ZNF519: variants seen among roughly 807,000 people sequenced by gnomAD.
ZNF519 encodes the protein similar to Zinc finger protein 85 (Zinc finger protein HPF4) (HTF1).
A neutral mutation model predicts 7.4 loss-of-function variants in ZNF519; 7 were observed. That is an observed-to-expected ratio of 0.94 (90% CI 0.54 to 1.77). ZNF519 has a LOEUF of 1.77. Among genes scored for constraint, ZNF519 ranks in the 40% most tolerant of loss-of-function variants. The probability of loss-of-function intolerance (pLI) is 0.00; values close to 1 mark genes in which losing one functional copy is unlikely to be tolerated. For synonymous variants in ZNF519, 179 were observed against 203.3 expected, an observed-to-expected ratio of 0.88 and a Z score of 1.02; for missense variants, 586 against 623.1, an observed-to-expected ratio of 0.94 and a Z score of 0.63.
At chr18:14,113,521 T>A (rs150424209) in intron 2 of ZNF519, among the ~76,000 whole-genome samples, 198 of 152,316 alleles carry the variant, frequency 1.3e-3, no homozygotes, top group African/African-American at 4.4e-3. Flanking sequence ...GTGTCATAGG[T>A]GTGCATCCTT....
intron 2 of ZNF519, among the ~76,000 whole-genome samples, chr18:14,120,984 C>T (rs113507249): frequency 1.6e-4 from 24 of 151,854 alleles, no homozygotes; most frequent in African/African-American, 5.3e-4. Flanking sequence ...TACACACACA[C>T]AGAGAAGAAT....
chr18:14,085,093 AG>A (rs56265807), intron 2 of ZNF519: 25,995 of 151,922 alleles, frequency 0.17, 2,676 homozygotes, highest in Middle Eastern at 0.24. Flanking sequence ...GATAAAAAAA[AG>A]AAACAGCTAA....
In ZNF519 at chr18:14,106,356, A is replaced by C; in HGVS notation, c.184T>G (p.Ser62Ala). The change falls in exon 3 of 3, where the codon TCA becomes GCA. Residue 62 changes from serine to alanine, a missense_variant. By Grantham distance (99) the Ser-to-Ala change is moderately conservative. Coordinates refer to ENST00000590202, the MANE Select transcript of ZNF519 (RefSeq NM_145287.4). ...GILPEQGIQD[S>A]FKKATLGRYG... ...CTTCCCAGTGTTGCTTTTTTGAATGAATCTTGTATGCCTTGCTCTGGTAAA... is the reference window on the plus strand; with the variant it reads ...CTTCCCAGTGTTGCTTTTTTGAATGCATCTTGTATGCCTTGCTCTGGTAAA... The C allele has an allele frequency of 6.2e-7, 1 of 1,612,502 alleles. No homozygotes were observed. The highest frequency in any genetic ancestry group is 8.5e-7 in the Non-Finnish European group (1 of 1,179,618).
At chr18:14,074,383 G>C (rs78362240), downstream of ZNF519, 5,991 of 152,438 alleles carry the variant, frequency 0.039, 154 homozygotes, top group East Asian at 0.13. Context: ...ATGGCCAGCA[G>C]GGAGTGATGG....
At position 14,100,077 on chromosome 18, in the gene ZNF519, T is replaced by G. The variant is rs771915801; in HGVS notation, c.*4840A>C. On this transcript the variant is annotated 3_prime_UTR_variant, in exon 3 of 3. Transcript: ENST00000590202. ...TGAATAAACATTTCATCAGAGATAA[T>G]AGGCAGATGTCATATGAGAACATTA... The G allele has an allele frequency of 1.3e-5, 2 of 152,142 alleles. No homozygotes were observed. Among genetic ancestry groups the G allele is most frequent in the African/African-American group, 4.8e-5 (2 of 41,416 alleles). The allele number at this position is 152,142 out of a possible 1,614,324, so 9.4% of individuals were successfully genotyped here.
chr18:14,131,723 T>C (rs1243191548), intron 1 of ZNF519, among the ~76,000 whole-genome samples: 1 of 151,956 alleles, frequency 6.6e-6, no homozygotes, highest in Non-Finnish European at 1.5e-5. Context: ...AACCAGGAAA[T>C]TTCCACCCAG....
chr18:14,124,394 T>C lies in ZNF519; in HGVS notation c.86A>G (p.Tyr29Cys), dbSNP rs145839334. The C allele has an allele frequency of 6.3e-5, 102 of 1,612,716 alleles. No homozygotes were observed. In the African/African-American group the frequency reaches 7.9e-4, roughly 12 times the overall value. Residue 29 changes from tyrosine to cysteine, a missense_variant, in exon 2 of 3, where the codon TAT (tyrosine) becomes TGT (cysteine). Physicochemically the swap from Tyr to Cys is radical, Grantham distance 194 (BLOSUM62 -2). Transcript: ENST00000590202. ...KCLDPAQQNL[Y>C]RDVMLENYRN... ...GTAGTTCTCCAACATCACATCTCTATATAAATTCTGTTGGGCAGGGTCTAG... is the reference window on the plus strand; with the variant it reads ...GTAGTTCTCCAACATCACATCTCTACATAAATTCTGTTGGGCAGGGTCTAG...
chr18:14,120,190 T>A (rs573741129), intron 2 of ZNF519, among the ~76,000 whole-genome samples: 1 of 151,948 alleles, frequency 6.6e-6, no homozygotes, highest in Non-Finnish European at 1.5e-5. Flanking sequence ...GGTATGTGCA[T>A]AAAAACAGAT....
chr18:14,129,175 G>A (rs1005106143), intron 1 of ZNF519, among the ~76,000 whole-genome samples: 1 of 152,154 alleles, frequency 6.6e-6, no homozygotes, highest in Non-Finnish European at 1.5e-5. Context: ...TTATGATCAG[G>A]TAGTCCAAGA....
In ZNF519 at chr18:14,101,426, A is replaced by G. The variant is rs2046160340; in HGVS notation, c.*3491T>C. On this transcript the variant is annotated 3_prime_UTR_variant, in exon 3 of 3. Coordinates refer to ENST00000590202, the MANE Select transcript of ZNF519 (RefSeq NM_145287.4). ...TCATAACATGAAGTGAAAGTAAAAT[A>G]TAAATAATTTTCCTAGATATTCTTA... 2.8e-6 allele frequency: 1 copy of G among 361,714 alleles called. No individual in the cohort carries two copies. Among genetic ancestry groups the G allele is most frequent in the Non-Finnish European group, 4.9e-6 (1 of 203,618 alleles). The allele number at this position is 361,714 out of a possible 1,614,324, so 22.4% of individuals were successfully genotyped here.
chr18:14,106,738 C>A (rs1313437979), intron 2 of ZNF519, among the ~76,000 whole-genome samples: 1 of 152,076 alleles, frequency 6.6e-6, no homozygotes, highest in East Asian at 1.9e-4. Context: ...CTAATGCCAC[C>A]CCTCACTCAT....
At chr18:14,072,438 G>A (rs764829565), downstream of ZNF519, 2 of 152,164 alleles carry the variant, frequency 1.3e-5, no homozygotes, top group African/African-American at 2.4e-5. Context: ...GTGACTGAGT[G>A]TTGGCACTAG....
chr18:14,113,822 G>A (rs1411760863), intron 2 of ZNF519, among the ~76,000 whole-genome samples: 1 of 150,562 alleles, frequency 6.6e-6, no homozygotes, highest in Non-Finnish European at 1.5e-5. Context: ...CCTGACTTTT[G>A]GAGAACAGCC....
intron 2 of ZNF519, among the ~76,000 whole-genome samples, chr18:14,109,455 T>C (rs1207731997): frequency 1.3e-5 from 2 of 152,186 alleles, no homozygotes; most frequent in African/African-American, 4.8e-5. Context: ...TGATAGACCA[T>C]ATGTTAGGTC....
At chr18:14,077,185 G>A (rs2046050824) in exon 5 of ZNF519, 1 of 152,172 alleles carries the variant, frequency 6.6e-6, no homozygotes, top group Admixed American at 6.6e-5. Context: ...GAAGCAGTTA[G>A]GGACTGGTTT....
At chr18:14,124,995 G>C (rs1567955638) in intron 1 of ZNF519, among the ~76,000 whole-genome samples, 1 of 152,060 alleles carries the variant, frequency 6.6e-6, no homozygotes, top group South Asian at 2.1e-4. Context: ...AAATTATTTG[G>C]TATTCTAGGC....
chr18:14,108,255 C>CT (rs1376374288), intron 2 of ZNF519, among the ~76,000 whole-genome samples: 2 of 152,158 alleles, frequency 1.3e-5, no homozygotes, highest in African/African-American at 4.8e-5. Context: ...AAAGGACAGT[C>CT]TAAAGCCTGA....
chr18:14,113,568 C>A (rs542068902), intron 2 of ZNF519, among the ~76,000 whole-genome samples: 2 of 152,126 alleles, frequency 1.3e-5, no homozygotes, highest in East Asian at 1.9e-4. Context: ...TTGGATGAGA[C>A]CTGTCTCAGA....
chr18:14,131,594 G>A (rs1011354304), intron 1 of ZNF519, among the ~76,000 whole-genome samples: 1 of 152,088 alleles, frequency 6.6e-6, no homozygotes, highest in Non-Finnish European at 1.5e-5. Context: ...TAGTGGTCTA[G>A]GCCTCTATGT....
Sources: gnomAD v4.1 joint callset for allele counts (sites outside exome capture counted in the v4.1 genomes callset) on GRCh38, gnomAD v4.1.1 for gene constraint, MANE v1.5 for transcripts, NCBI Gene and HGNC (gene_info 2026-07-23, HGNC 2026-07-21) for gene names.